The following ADGRB3 variants were observed in gnomAD, a reference collection of about 807,000 sequenced individuals.
ADGRB3 encodes brain-specific angiogenesis inhibitor 3.
ADGRB3 carries 37 observed loss-of-function variants against 193.4 expected under a neutral mutation model. The ratio of observed to expected loss-of-function variants is 0.19; its 90% CI spans 0.15 to 0.25. ADGRB3 has a LOEUF of 0.25. Ranked by LOEUF, ADGRB3 falls within the 10% of genes least tolerant of loss-of-function variation. ADGRB3 has a pLI of 1.00. For synonymous variants in ADGRB3, 690 were observed against 644.2 expected (o/e 1.07, Z -1.08); for missense variants, 1,637 against 1,852.9 (o/e 0.88, Z 2.14).
chr6:68,872,850 C>CAA (rs1301614126), intron 3 of ADGRB3, among the ~76,000 whole-genome samples: 3 of 151,978 alleles, frequency 2.0e-5, no homozygotes, highest in Non-Finnish European at 4.4e-5. Context: ...GTGTCAGTGG[C>CAA]CCATTTGGAG....
At chr6:69,323,422 G>T (rs1465484330) in intron 20 of ADGRB3, among the ~76,000 whole-genome samples, 1 of 151,994 alleles carries the variant, frequency 6.6e-6, no homozygotes, top group Non-Finnish European at 1.5e-5. Flanking sequence ...AATGTGTCAA[G>T]AATAGGAGGA....
intron 29 of ADGRB3, among the ~76,000 whole-genome samples, chr6:69,367,933 G>A (rs1207433727): frequency 6.9e-6 from 1 of 144,942 alleles, no homozygotes; most frequent in Admixed American, 7.3e-5. Context: ...CTCATAGGTA[G>A]GAATTGAACA....
intron 3 of ADGRB3, among the ~76,000 whole-genome samples, chr6:68,744,369 C>T (rs750876466): frequency 6.6e-6 from 1 of 152,096 alleles, no homozygotes; most frequent in African/African-American, 2.4e-5. Flanking sequence ...CCATTTGACC[C>T]AGCAATCCCA....
In ADGRB3 at chr6:69,102,038, G is replaced by A. The variant is rs572995285; in HGVS notation, c.2480+26000G>A. Among the ~76,000 whole-genome samples the A allele has an allele frequency of 7.9e-5, 12 of 152,124 alleles. No individual in the cohort carries two copies. In the East Asian group the frequency reaches 1.2e-3, roughly 15 times the overall value. On this transcript the variant is annotated intron_variant, in intron 17 of 31. Coordinates refer to ENST00000370598, the MANE Select transcript of ADGRB3 (RefSeq NM_001704.3). ...TAAAAATACAAAAAATTAGCCGGGCGTGGTGGCGGACGCCTGTAGTCCCAG... is the reference window on the plus strand; with the variant it reads ...TAAAAATACAAAAAATTAGCCGGGCATGGTGGCGGACGCCTGTAGTCCCAG...
chr6:68,776,942 C>T (rs760961026), intron 3 of ADGRB3, among the ~76,000 whole-genome samples: 1 of 152,022 alleles, frequency 6.6e-6, no homozygotes, highest in Non-Finnish European at 1.5e-5. Flanking sequence ...TTAATTAGGT[C>T]AAATTTTTAC....
At chr6:68,927,095 C>A (rs1394561061) in intron 3 of ADGRB3, among the ~76,000 whole-genome samples, 1 of 152,126 alleles carries the variant, frequency 6.6e-6, no homozygotes, top group African/African-American at 2.4e-5. Context: ...TTACCCACCA[C>A]TTCATTGATA....
intron 4 of ADGRB3, among the ~76,000 whole-genome samples, chr6:68,931,174 G>A: frequency 6.6e-6 from 1 of 151,700 alleles, no homozygotes; most frequent in African/African-American, 2.4e-5. Flanking sequence ...TGTTATATAA[G>A]CTAAATAATA....
intron 17 of ADGRB3, among the ~76,000 whole-genome samples, chr6:69,115,173 T>G (rs1189710263): frequency 6.6e-6 from 1 of 152,114 alleles, no homozygotes; most frequent in Non-Finnish European, 1.5e-5. Flanking sequence ...CTATTCCCAA[T>G]AGCAAAGACT....
intron 17 of ADGRB3, among the ~76,000 whole-genome samples, chr6:69,218,945 A>G (rs1222977684): frequency 6.6e-6 from 1 of 152,158 alleles, no homozygotes. Context: ...AAGCCACTTT[A>G]GTAATATAAA....
At chr6:69,329,718 C>T (rs527320425) in intron 22 of ADGRB3, among the ~76,000 whole-genome samples, 1 of 152,240 alleles carries the variant, frequency 6.6e-6, no homozygotes, top group Non-Finnish European at 1.5e-5. Flanking sequence ...CACCAGCAGC[C>T]CCTCACACTT....
chr6:68,693,429 A>G (rs1765110134), intron 3 of ADGRB3, among the ~76,000 whole-genome samples: 1 of 151,936 alleles, frequency 6.6e-6, no homozygotes, highest in Non-Finnish European at 1.5e-5. Flanking sequence ...GAAAACATAT[A>G]CTAAAAAAGA....
chr6:69,300,924 A>T (rs2127296537), intron 20 of ADGRB3, among the ~76,000 whole-genome samples: 1 of 151,944 alleles, frequency 6.6e-6, no homozygotes, highest in East Asian at 1.9e-4. Flanking sequence ...GGTTTATAGA[A>T]GATTTACATT....
At chr6:68,831,595 G>T (rs1302479734) in intron 3 of ADGRB3, among the ~76,000 whole-genome samples, 1 of 152,098 alleles carries the variant, frequency 6.6e-6, no homozygotes, top group Non-Finnish European at 1.5e-5. Context: ...TGTGGGTGAG[G>T]AAACAAGATG....
intron 20 of ADGRB3, among the ~76,000 whole-genome samples, chr6:69,309,676 A>G (rs538984540): frequency 6.6e-6 from 1 of 151,856 alleles, no homozygotes; most frequent in South Asian, 2.1e-4. Context: ...TAGATTATGT[A>G]TCAAGGGTTC....
chr6:68,853,800 G>A (rs1364682954), intron 3 of ADGRB3, among the ~76,000 whole-genome samples: 1 of 152,078 alleles, frequency 6.6e-6, no homozygotes, highest in South Asian at 2.1e-4. Flanking sequence ...CATGTCAAAT[G>A]TATGGTTTAC....
At chr6:68,881,343 T>C (rs938092037) in intron 3 of ADGRB3, among the ~76,000 whole-genome samples, 1 of 152,208 alleles carries the variant, frequency 6.6e-6, no homozygotes, top group East Asian at 1.9e-4. Context: ...GTCTTGTATC[T>C]GATTTTCCAC....
intron 5 of ADGRB3, among the ~76,000 whole-genome samples, chr6:68,943,138 G>A (rs2150251045): frequency 6.6e-6 from 1 of 152,226 alleles, no homozygotes. Context: ...AGGAGGAAAA[G>A]CATCTTCTGG....
At chr6:69,131,222 C>T (rs1004276996) in intron 17 of ADGRB3, among the ~76,000 whole-genome samples, 3 of 151,916 alleles carry the variant, frequency 2.0e-5, no homozygotes, top group Admixed American at 2.0e-4. Context: ...GTCATGAAAG[C>T]TAATATTGGA....
intron 13 of ADGRB3, among the ~76,000 whole-genome samples, chr6:69,019,776 T>A (rs989832149): frequency 6.6e-6 from 1 of 151,950 alleles, no homozygotes; most frequent in South Asian, 2.1e-4. Flanking sequence ...CTTGTGCCAG[T>A]TCAGTAATGG....
Sources: allele counts gnomAD v4.1 joint callset (sites outside exome capture counted in the v4.1 genomes callset), GRCh38; gene constraint gnomAD v4.1.1; transcripts MANE v1.5; gene names NCBI Gene and HGNC (gene_info 2026-07-23, HGNC 2026-07-21).